Variants in CNGA3 observed in about 807,000 individuals in gnomAD.
CNGA3 encodes cyclic nucleotide gated channel subunit alpha 3.
CNGA3 carries 42 observed loss-of-function variants against 46.6 expected under a neutral mutation model. That is an observed-to-expected ratio of 0.90 (90% CI 0.70 to 1.17). The LOEUF (loss-of-function observed/expected upper bound fraction) is 1.17, where lower values mean the gene tolerates loss of function less well. Ranked by LOEUF, CNGA3 falls within the 50% of genes most tolerant of loss-of-function variation. The pLI is 0.00. For synonymous variants in CNGA3, 394 were observed against 369.4 expected (o/e 1.07, Z -0.76); for missense variants, 893 against 890.7 (o/e 1.00, Z -0.03).
intron 7 of CNGA3, among the ~76,000 whole-genome samples, chr2:98,394,890 C>T (rs1187409914): frequency 1.3e-5 from 2 of 152,104 alleles, no homozygotes; most frequent in African/African-American, 4.8e-5. Flanking sequence ...ATTTACTTTT[C>T]CTCCACTCCC....
At position 98,377,783 on chromosome 2, in the gene CNGA3, C is replaced by T. The variant is rs139544302; in HGVS notation, c.198C>T (p.Thr66=). 3,260 of 1,611,346 alleles carry T rather than the reference C, an allele frequency of 2.0e-3. 3 individuals are homozygous for T. The highest frequency in any genetic ancestry group is 2.4e-3 in the Non-Finnish European group (2,870 of 1,179,606). The part of the protein sequence containing the change: ...GLADSGQGSF[T]GQGIARLSRL... ...CTGACTCCGGGCAGGGCTCCTTCAC[C>T]GGCCAGGGGATCGCCAGGTAACTGA... Residue 66 remains threonine, a synonymous_variant, in exon 3 of 8, where the codon ACC becomes ACT. Coordinates refer to ENST00000272602, the MANE Select transcript of CNGA3 (RefSeq NM_001298.3).
chr2:98,390,929 C>T lies in CNGA3; in HGVS notation c.567-935C>T, dbSNP rs201239290. On this transcript the variant is annotated intron_variant, in intron 6 of 7. Coordinates refer to ENST00000272602, the MANE Select transcript of CNGA3 (RefSeq NM_001298.3). ...GGACTGGGATGCATGCGAGAGGAGA[C>T]GATGCCTCTGGGGCTCTCCGGAGCC... Among the ~76,000 whole-genome samples, 22 of 152,276 alleles carry T rather than the reference C, an allele frequency of 1.4e-4. No individual in the cohort carries two copies. The East Asian group carries it at 3.9e-3, about 27-fold the overall frequency.
At chr2:98,379,068 G>C (rs1290986786) in intron 3 of CNGA3, among the ~76,000 whole-genome samples, 1 of 152,244 alleles carries the variant, frequency 6.6e-6, no homozygotes, top group Non-Finnish European at 1.5e-5. Flanking sequence ...TCTGAGGCTG[G>C]AGGAGGGAGT....
rs2104253063 is a variant in CNGA3, at chr2:98,397,951, G to T, written c.*696G>T. ...TCACAGAAAAAAGCATCTCAGTTAG[G>T]AGAAGAGACATCCCCTCCTTCTCAC... On this transcript the variant is annotated 3_prime_UTR_variant, in exon 8 of 8. Transcript: ENST00000272602. The T allele has an allele frequency of 6.5e-6, 1 of 153,566 alleles. No homozygotes were observed. Among genetic ancestry groups the T allele is most frequent in the East Asian group, 1.9e-4 (1 of 5,196 alleles). 9.5% of individuals were successfully genotyped at this position (153,566 alleles called of 1,614,324 possible).
At chr2:98,385,056 C>T (rs1348802759) in intron 5 of CNGA3, among the ~76,000 whole-genome samples, 1 of 152,202 alleles carries the variant, frequency 6.6e-6, no homozygotes, top group East Asian at 1.9e-4. Context: ...TTTTGCAGTT[C>T]TGTGTAGGGT....
chr2:98,392,066 C>T (rs1051791901), intron 7 of CNGA3, 96 bp downstream of exon 7: 10 of 1,094,774 alleles, frequency 9.1e-6, no homozygotes, highest in Non-Finnish European at 1.4e-5. Context: ...TACCCTTGAC[C>T]ATGAGAGGCC....
Position 98,391,849 on chromosome 2 carries a change from A to G in CNGA3, c.567-15A>G, listed in dbSNP as rs1692796611. 1 of 1,613,074 alleles carries G rather than the reference A, an allele frequency of 6.2e-7. No homozygotes were observed. The highest frequency in any genetic ancestry group is 1.7e-5 in the Admixed American group (1 of 60,024). On this transcript the variant is annotated splice_polypyrimidine_tract_variant and intron_variant, in intron 6 of 7. Coordinates refer to ENST00000272602, the MANE Select transcript of CNGA3 (RefSeq NM_001298.3). ...ACACACGCACAGCCATCCATCTCCC[A>G]CATGGCTTCTTTAGGGCCTGTTTCG...
intron 1 of CNGA3, among the ~76,000 whole-genome samples, chr2:98,367,514 A>G (rs1220591481): frequency 1.3e-5 from 2 of 152,058 alleles, no homozygotes; most frequent in African/African-American, 2.4e-5. Flanking sequence ...GTTTCTAGTC[A>G]GCCATCTTGG....
chr2:98,353,224 G>A (rs1475924202), intron 1 of CNGA3, among the ~76,000 whole-genome samples: 2 of 152,194 alleles, frequency 1.3e-5, no homozygotes, highest in African/African-American at 2.4e-5. Context: ...GCTGTTTAAG[G>A]ATCAATGGTA....
At chr2:98,355,872 C>T (rs1691868491) in intron 1 of CNGA3, 1 of 152,140 alleles carries the variant, frequency 6.6e-6, no homozygotes, top group Non-Finnish European at 1.5e-5. Flanking sequence ...CAGGCCAGTG[C>T]CCTTAACCAC....
chr2:98,388,625 G>A (rs1199618914), intron 5 of CNGA3, among the ~76,000 whole-genome samples: 1 of 152,220 alleles, frequency 6.6e-6, no homozygotes, highest in East Asian at 1.9e-4. Flanking sequence ...GCAGCCTCCG[G>A]TGGGCAGCCG....
intron 1 of CNGA3, among the ~76,000 whole-genome samples, chr2:98,365,170 A>G (rs13400705): frequency 0.43 from 64,622 of 151,790 alleles, 14,556 homozygotes; most frequent in Non-Finnish European, 0.51. Context: ...ACTGAGGTCC[A>G]GTGGCTCGCT....
intron 5 of CNGA3, among the ~76,000 whole-genome samples, chr2:98,387,788 C>T (rs17502330): frequency 2.0e-5 from 3 of 152,174 alleles, no homozygotes; most frequent in Non-Finnish European, 4.4e-5. Context: ...CTCATTAAGG[C>T]CCAGGTTTTC....
intron 1 of CNGA3, among the ~76,000 whole-genome samples, chr2:98,354,698 T>G (rs976876946): frequency 6.6e-6 from 1 of 152,168 alleles, no homozygotes; most frequent in Non-Finnish European, 1.5e-5. Context: ...AGTTGGAGGC[T>G]GGCTTGAGCC....
rs1345592008 is a variant in CNGA3, at chr2:98,383,450, C to G, written c.449+9C>G. The G allele has an allele frequency of 6.2e-7, 1 of 1,614,128 alleles. No individual in the cohort carries two copies. Among genetic ancestry groups the G allele is most frequent in the East Asian group, 2.2e-5 (1 of 44,878 alleles). ...AACAACACGGAGGAGGAGTAAGTAC[C>G]CACACACCCAGCAGAGCCCTCCCCA... On this transcript the variant is annotated intron_variant, in intron 5 of 7. Transcript: ENST00000272602.
At chr2:98,350,676 G>A (rs1311451661) in intron 1 of CNGA3, 1 of 152,170 alleles carries the variant, frequency 6.6e-6, no homozygotes, top group African/African-American at 2.4e-5. Context: ...ACAAGCCCCT[G>A]CCTCTTGGTT....
At chr2:98,384,452 A>G (rs1350794591) in intron 5 of CNGA3, among the ~76,000 whole-genome samples, 1 of 152,142 alleles carries the variant, frequency 6.6e-6, no homozygotes, top group Non-Finnish European at 1.5e-5. Flanking sequence ...AGACAGAGAA[A>G]TGTGCCAAGG....
chr2:98,392,641 A>T (rs1692819955), intron 7 of CNGA3, among the ~76,000 whole-genome samples: 1 of 151,980 alleles, frequency 6.6e-6, no homozygotes, highest in African/African-American at 2.4e-5. Flanking sequence ...ATCTCGAAGG[A>T]CCCCTCCAGC....
At chr2:98,353,520 G>A (rs1691813508) in intron 1 of CNGA3, among the ~76,000 whole-genome samples, 1 of 152,144 alleles carries the variant, frequency 6.6e-6, no homozygotes, top group South Asian at 2.1e-4. Flanking sequence ...AGTATCTGAG[G>A]AGCATTTGTT....
Sources: allele counts gnomAD v4.1 joint callset (sites outside exome capture counted in the v4.1 genomes callset), GRCh38; gene constraint gnomAD v4.1.1; transcripts MANE v1.5; gene names NCBI Gene and HGNC (gene_info 2026-07-23, HGNC 2026-07-21).